CACNA2D3: variants seen among roughly 807,000 people sequenced by gnomAD.
The protein encoded by CACNA2D3 is voltage-dependent calcium channel subunit alpha-2/delta-3.
Under a neutral mutation model 160.6 loss-of-function variants are expected in CACNA2D3, and 60 were observed. The ratio of observed to expected loss-of-function variants is 0.37; its 90% confidence interval spans 0.30 to 0.46. CACNA2D3 has a LOEUF of 0.46. Among genes scored for constraint, CACNA2D3 ranks in the 20% least tolerant of loss-of-function variants. The pLI is 1.00. For synonymous variants in CACNA2D3, 558 were observed against 492.9 expected (o/e 1.13, Z -1.75); for missense variants, 1,205 against 1,365.0 (o/e 0.88, Z 1.85).
intron 2 of CACNA2D3, among the ~76,000 whole-genome samples, chr3:54,307,186 G>T (rs1703622089): frequency 6.6e-6 from 1 of 152,120 alleles, no homozygotes; most frequent in Non-Finnish European, 1.5e-5. Flanking sequence ...AAAGATGTTG[G>T]GAGAAAGTGC....
chr3:54,490,378 G>A (rs975383575), intron 4 of CACNA2D3, among the ~76,000 whole-genome samples: 11 of 152,334 alleles, frequency 7.2e-5, no homozygotes, highest in African/African-American at 1.7e-4. Context: ...ATACCAGGCC[G>A]GTTCCCGCTT....
chr3:54,882,232 C>A (rs2106844778), intron 21 of CACNA2D3, among the ~76,000 whole-genome samples: 1 of 152,320 alleles, frequency 6.6e-6, no homozygotes, highest in East Asian at 1.9e-4. Flanking sequence ...CCAGAAAATT[C>A]ATGTCTAAGC....
Position 54,752,617 on chromosome 3 carries a change from C to T in CACNA2D3, c.1186C>T (p.Leu396Phe). 1.2e-6 allele frequency: 2 copies of T among 1,613,466 alleles called. No individual in the cohort carries two copies. The highest frequency in any genetic ancestry group is 8.5e-7 in the Non-Finnish European group (1 of 1,179,708). Residue 396 changes from leucine to phenylalanine, a missense_variant, in exon 12 of 38, where the codon CTC becomes TTC. Physicochemically the swap from Leu to Phe is conservative, Grantham distance 22 (BLOSUM62 0). Coordinates refer to ENST00000474759, the MANE Select transcript of CACNA2D3 (RefSeq NM_018398.3). ...CCTTCAGGTTCGCATCTTCACATAC[C>T]TCATTGGACGAGAGGCTGCGTTTGC... ...PDRKVRIFTY[L>F]IGREAAFADN...
At chr3:54,924,694 G>C (rs145632656) in intron 27 of CACNA2D3, 7 of 1,614,136 alleles carry the variant, frequency 4.3e-6, no homozygotes, top group Non-Finnish European at 5.9e-6. Context: ...TTGTCCTTGA[G>C]AAGTAAAAGC....
intron 18 of CACNA2D3, among the ~76,000 whole-genome samples, chr3:54,878,212 G>A (rs2106835408): frequency 6.6e-6 from 1 of 152,264 alleles, no homozygotes; most frequent in South Asian, 2.1e-4. Flanking sequence ...GACAAGAGAG[G>A]GGTGGGGAGA....
chr3:54,533,129 G>T (rs986712791), intron 5 of CACNA2D3, among the ~76,000 whole-genome samples: 2 of 151,934 alleles, frequency 1.3e-5, no homozygotes, highest in African/African-American at 4.8e-5. Context: ...TCCTTTTCCT[G>T]TCTGTCTAAA....
intron 4 of CACNA2D3, among the ~76,000 whole-genome samples, chr3:54,403,948 A>G (rs1428199656): frequency 6.6e-6 from 1 of 152,196 alleles, no homozygotes; most frequent in Non-Finnish European, 1.5e-5. Flanking sequence ...TCAGGAAGAA[A>G]TGCAAAGCCC....
intron 2 of CACNA2D3, among the ~76,000 whole-genome samples, chr3:54,217,706 G>T (rs1266801291): frequency 6.6e-6 from 1 of 152,132 alleles, no homozygotes; most frequent in Non-Finnish European, 1.5e-5. Flanking sequence ...ATGCTGCTTT[G>T]GAGGGAGCCT....
At chr3:54,517,901 G>A (rs1701580173) in intron 5 of CACNA2D3, among the ~76,000 whole-genome samples, 1 of 152,082 alleles carries the variant, frequency 6.6e-6, no homozygotes. Flanking sequence ...GCTGAGGTAC[G>A]AGCCTAAAGT....
At chr3:54,584,473 A>G (rs1196021544) in intron 9 of CACNA2D3, among the ~76,000 whole-genome samples, 1 of 152,216 alleles carries the variant, frequency 6.6e-6, no homozygotes, top group Non-Finnish European at 1.5e-5. Flanking sequence ...AATAGCAATT[A>G]CCCAATTTGA....
chr3:54,808,761 T>C (rs138090473), intron 13 of CACNA2D3, among the ~76,000 whole-genome samples: 100 of 152,274 alleles, frequency 6.6e-4, no homozygotes, highest in African/African-American at 2.3e-3. Context: ...TAATGTACCT[T>C]GCTCAGACCC....
chr3:54,542,358 C>T (rs1701995513), intron 5 of CACNA2D3, among the ~76,000 whole-genome samples: 1 of 152,036 alleles, frequency 6.6e-6, no homozygotes, highest in African/African-American at 2.4e-5. Context: ...CCACACCCAG[C>T]CTGAAAGGGA....
intron 5 of CACNA2D3, among the ~76,000 whole-genome samples, chr3:54,529,758 T>C (rs1021019779): frequency 2.6e-5 from 4 of 152,242 alleles, no homozygotes; most frequent in Non-Finnish European, 4.4e-5. Context: ...TTATCTTTCT[T>C]TATAATTCTT....
At chr3:54,486,839 G>A (rs1433731889) in intron 4 of CACNA2D3, among the ~76,000 whole-genome samples, 1 of 152,144 alleles carries the variant, frequency 6.6e-6, no homozygotes, top group Non-Finnish European at 1.5e-5. Context: ...CTCTTGTAGT[G>A]GAGAATGGGG....
intron 13 of CACNA2D3, among the ~76,000 whole-genome samples, chr3:54,793,483 G>A (rs1338717289): frequency 6.6e-6 from 1 of 152,214 alleles, no homozygotes; most frequent in Admixed American, 6.5e-5. Flanking sequence ...TAATGAGATG[G>A]TTTGGCCTGT....
intron 35 of CACNA2D3, among the ~76,000 whole-genome samples, chr3:55,024,781 T>C (rs79273047): frequency 0.027 from 4,149 of 152,350 alleles, 81 homozygotes; most frequent in Middle Eastern, 0.068. Context: ...TAAACCATTC[T>C]GCTGAAATGT....
chr3:55,052,722 C>T (rs1268634492), intron 35 of CACNA2D3, among the ~76,000 whole-genome samples: 1 of 152,090 alleles, frequency 6.6e-6, no homozygotes, highest in Non-Finnish European at 1.5e-5. Flanking sequence ...ATTGGCTCCT[C>T]TGTCATTTTG....
At chr3:54,513,474 T>G (rs1701491697) in intron 5 of CACNA2D3, among the ~76,000 whole-genome samples, 1 of 152,162 alleles carries the variant, frequency 6.6e-6, no homozygotes, top group African/African-American at 2.4e-5. Context: ...CAGGAACCAT[T>G]ACTAATTCCC....
intron 11 of CACNA2D3, among the ~76,000 whole-genome samples, chr3:54,648,727 C>T (rs1240522530): frequency 1.3e-5 from 2 of 152,154 alleles, no homozygotes; most frequent in Non-Finnish European, 2.9e-5. Flanking sequence ...AAATATGGTG[C>T]CAGCACCTGC....
Sources: allele counts gnomAD v4.1 joint callset (sites outside exome capture counted in the v4.1 genomes callset), GRCh38; gene constraint gnomAD v4.1.1; transcripts MANE v1.5; gene names NCBI Gene and HGNC (gene_info 2026-07-23, HGNC 2026-07-21).